The following ASIC2 variants were observed in gnomAD, a reference collection of about 807,000 sequenced individuals.
ASIC2 encodes acid sensing ion channel subunit 2, also known as acid-sensing ion channel 2.
ASIC2 carries 25 observed loss-of-function variants against 57.3 expected under a neutral mutation model. The ratio of observed to expected loss-of-function variants is 0.44; its 90% CI spans 0.32 to 0.61. The LOEUF is 0.61. Ranked by LOEUF, ASIC2 falls within the 20% of genes least tolerant of loss-of-function variation. ASIC2 has a pLI of 0.06. For synonymous variants in ASIC2, 319 were observed against 307.5 expected (o/e 1.04, Z -0.39); for missense variants, 641 against 738.1 (o/e 0.87, Z 1.52).
intron 1 of ASIC2, among the ~76,000 whole-genome samples, chr17:34,136,114 T>C (rs1202149383): frequency 6.6e-6 from 1 of 152,100 alleles, no homozygotes; most frequent in African/African-American, 2.4e-5. Flanking sequence ...TGACCAGCAT[T>C]AACATTAAAA....
chr17:33,189,880 T>C (rs1483718421), intron 1 of ASIC2, among the ~76,000 whole-genome samples: 1 of 152,160 alleles, frequency 6.6e-6, no homozygotes, highest in Non-Finnish European at 1.5e-5. Context: ...ACAATGTTTA[T>C]AACACATAGG....
At chr17:33,673,466 G>C (rs1295036225) in intron 1 of ASIC2, among the ~76,000 whole-genome samples, 1 of 152,188 alleles carries the variant, frequency 6.6e-6, no homozygotes, top group African/African-American at 2.4e-5. Context: ...TATCAGAGCT[G>C]AAAGGCATCT....
intron 1 of ASIC2, among the ~76,000 whole-genome samples, chr17:33,434,348 A>G (rs753987868): frequency 6.6e-6 from 1 of 152,154 alleles, no homozygotes; most frequent in Non-Finnish European, 1.5e-5. Flanking sequence ...TGCATATAGA[A>G]AGAACACAAA....
At chr17:33,203,409 G>C (rs1200760596) in intron 1 of ASIC2, among the ~76,000 whole-genome samples, 1 of 152,168 alleles carries the variant, frequency 6.6e-6, no homozygotes, top group Admixed American at 6.5e-5. Context: ...GGACTGACTG[G>C]AGCCCTCATA....
intron 1 of ASIC2, among the ~76,000 whole-genome samples, chr17:33,797,307 G>C (rs956920026): frequency 1.5e-4 from 23 of 152,296 alleles, no homozygotes; most frequent in African/African-American, 5.3e-4. Context: ...CTGGAGCTGA[G>C]ACAAACCTCT....
intron 1 of ASIC2, among the ~76,000 whole-genome samples, chr17:33,961,051 G>C (rs1016603896): frequency 6.6e-6 from 1 of 152,178 alleles, no homozygotes. Flanking sequence ...AGCCAGCTAG[G>C]CATGAGATGA....
chr17:33,032,446 T>TTG (rs2091887769), intron 3 of ASIC2, among the ~76,000 whole-genome samples: 1 of 55,972 alleles, frequency 1.8e-5, no homozygotes, highest in Non-Finnish European at 4.3e-5. Context: ...CACTGTTTTT[T>TTG]TTTTTTTTTT....
chr17:33,579,254 C>G (rs951511053), intron 1 of ASIC2, among the ~76,000 whole-genome samples: 1 of 145,102 alleles, frequency 6.9e-6, no homozygotes, highest in Admixed American at 7.0e-5. Flanking sequence ...CCATTGCACT[C>G]CAGCCTGGGT....
chr17:33,475,395 C>G (rs943063123), intron 1 of ASIC2, among the ~76,000 whole-genome samples: 2 of 152,118 alleles, frequency 1.3e-5, no homozygotes, highest in Admixed American at 1.3e-4. Flanking sequence ...TGAGTGTTCA[C>G]CTATCTGTGT....
At chr17:34,149,776 T>C (rs1377582642) in intron 1 of ASIC2, among the ~76,000 whole-genome samples, 2 of 152,242 alleles carry the variant, frequency 1.3e-5, no homozygotes, top group Non-Finnish European at 2.9e-5. Context: ...TGAGCCCTTG[T>C]ACACTGTGGG....
At chr17:33,579,841 A>C (rs1198333100) in intron 1 of ASIC2, among the ~76,000 whole-genome samples, 2 of 152,104 alleles carry the variant, frequency 1.3e-5, no homozygotes, top group Non-Finnish European at 2.9e-5. Context: ...GGTGGGCTGC[A>C]TTTATTCCCT....
chr17:33,711,412 A>C lies in ASIC2; in HGVS notation c.555+444566T>G, dbSNP rs561591541. Among the ~76,000 whole-genome samples the C allele has an allele frequency of 3.2e-3, 493 of 152,298 alleles. 2 individuals carry two copies. The highest frequency in any genetic ancestry group is 0.012 in the African/African-American group (480 of 41,564). On this transcript the variant is annotated intron_variant, in intron 1 of 9. Coordinates refer to the ASIC2 transcript ENST00000359872. ...ATACCCACCTGGGTGAGAGTCAAGG[A>C]GCCTCATCCTCCTCCATATGCGGTC...
intron 1 of ASIC2, among the ~76,000 whole-genome samples, chr17:33,967,479 C>A (rs976546626): frequency 6.6e-6 from 1 of 152,126 alleles, no homozygotes; most frequent in African/African-American, 2.4e-5. Context: ...AAGCAATCCA[C>A]CCCCCTCAGC....
At chr17:33,372,894 A>G (rs892082897) in intron 1 of ASIC2, among the ~76,000 whole-genome samples, 2 of 152,170 alleles carry the variant, frequency 1.3e-5, no homozygotes, top group Admixed American at 6.5e-5. Context: ...AGGAGGCAGG[A>G]GGGGATCTGT....
intron 1 of ASIC2, among the ~76,000 whole-genome samples, chr17:33,615,104 T>G (rs1270386154): frequency 6.6e-6 from 1 of 152,230 alleles, no homozygotes; most frequent in African/African-American, 2.4e-5. Flanking sequence ...CTGTTGAACA[T>G]TTGATATTTT....
intron 1 of ASIC2, among the ~76,000 whole-genome samples, chr17:34,020,625 A>T (rs1046884915): frequency 3.3e-5 from 5 of 152,164 alleles, no homozygotes; most frequent in Non-Finnish European, 5.9e-5. Flanking sequence ...ATGAGAAAAA[A>T]CCAGAAGCCT....
At chr17:33,466,274 A>G (rs777127533) in intron 1 of ASIC2, among the ~76,000 whole-genome samples, 1 of 152,176 alleles carries the variant, frequency 6.6e-6, no homozygotes, top group Non-Finnish European at 1.5e-5. Context: ...TAGGAATCCA[A>G]CTTAACAAGG....
At chr17:33,491,976 C>T (rs188386091) in intron 1 of ASIC2, among the ~76,000 whole-genome samples, 68 of 152,232 alleles carry the variant, frequency 4.5e-4, no homozygotes, top group Non-Finnish European at 6.5e-4. Flanking sequence ...TTTTTTGTAG[C>T]GGCTTTTTGG....
At chr17:33,383,050 A>AACAAACAAACAAACAC (rs1450235359) in intron 1 of ASIC2, among the ~76,000 whole-genome samples, 2 of 151,684 alleles carry the variant, frequency 1.3e-5, no homozygotes, top group Non-Finnish European at 2.9e-5. Flanking sequence ...CAAACAAACA[A>AACAAACAAACAAACAC]ACACCACACA....
Sources: gnomAD v4.1 joint callset for allele counts (sites outside exome capture counted in the v4.1 genomes callset) on GRCh38, gnomAD v4.1.1 for gene constraint, MANE v1.5 for transcripts, NCBI Gene and HGNC (gene_info 2026-07-23, HGNC 2026-07-21) for gene names.